LEPR: variants seen among roughly 807,000 people sequenced by gnomAD.
The protein encoded by LEPR is OB receptor.
In LEPR, 56 loss-of-function variants were observed where a neutral mutation model predicts 114.7. The ratio of observed to expected loss-of-function variants is 0.49; its 90% confidence interval spans 0.39 to 0.61. The LOEUF is 0.61. Among genes scored for constraint, LEPR ranks in the 20% least tolerant of loss-of-function variants. The probability of loss-of-function intolerance (pLI) is 0.00; values close to 1 mark genes in which losing one functional copy is unlikely to be tolerated. For missense variants in LEPR, 1,202 were observed against 1,352.9 expected, an observed-to-expected ratio of 0.89 and a Z score of 1.75; for synonymous variants, 443 against 461.4, an observed-to-expected ratio of 0.96 and a Z score of 0.51.
At chr1:65,572,300 T>TTG (rs1557670727) in intron 4 of LEPR, 26 bp from the exon 5 acceptor site, 65 of 1,381,004 alleles carry the variant, frequency 4.7e-5, no homozygotes, top group Admixed American at 1.4e-4. Context: ...GTTTTTTTTT[T>TTG]TTTTTTTTTT....
chr1:65,420,879 C>G (rs1646232768), intron 1 of LEPR, 139 bp downstream of exon 1: 1 of 1,096,344 alleles, frequency 9.1e-7, no homozygotes, highest in South Asian at 1.5e-5. Context: ...GGGAGGCGAT[C>G]GACCGCTCCC....
At chr1:65,476,342 A>C (rs1647159584) in intron 2 of LEPR, among the ~76,000 whole-genome samples, 3 of 152,014 alleles carry the variant, frequency 2.0e-5, no homozygotes, top group South Asian at 4.2e-4. Context: ...AATACTTTGA[A>C]CAGTCAACAA....
intron 12 of LEPR, 34 bp downstream of exon 12, chr1:65,608,935 T>G: frequency 6.2e-7 from 1 of 1,612,122 alleles, no homozygotes; most frequent in East Asian, 2.2e-5. Flanking sequence ...CTTTCCTCAT[T>G]AAATGCTATT....
In LEPR at chr1:65,610,084, C is replaced by T; in HGVS notation, c.1890C>T (p.Tyr630=). ...GYWSNWSNPA[Y]TVVMDIKVPM... ...GGAGTAATTGGAGCAATCCAGCCTA[C>T]ACAGTTGTCATGGATATAAAAGGTC... The change falls in exon 13 of 20, where the codon TAC becomes TAT. Residue 630 remains tyrosine (Y), a synonymous_variant. Coordinates refer to ENST00000349533, the MANE Select transcript of LEPR (RefSeq NM_002303.6). The T allele has an allele frequency of 6.2e-7, 1 of 1,614,184 alleles. No individual in the cohort carries two copies. Among genetic ancestry groups the T allele is most frequent in the Non-Finnish European group, 8.5e-7 (1 of 1,180,018 alleles).
intron 5 of LEPR, among the ~76,000 whole-genome samples, chr1:65,588,124 C>G (rs865801560): frequency 6.6e-6 from 1 of 151,940 alleles, no homozygotes; most frequent in African/African-American, 2.4e-5. Context: ...TTACTCCACA[C>G]TCTTCTCCCC....
intron 2 of LEPR, among the ~76,000 whole-genome samples, chr1:65,476,315 C>A (rs1647159229): frequency 6.6e-6 from 1 of 151,800 alleles, no homozygotes; most frequent in Non-Finnish European, 1.5e-5. Context: ...AATGAACATG[C>A]TTTTAGTGGT....
At chr1:65,487,895 TTTTC>T (rs750182880) in intron 2 of LEPR, among the ~76,000 whole-genome samples, 33 of 151,036 alleles carry the variant, frequency 2.2e-4, no homozygotes, top group Non-Finnish European at 3.1e-4. Context: ...CTTTCTTTCC[TTTTC>T]TTTCTTTCTT....
At chr1:65,634,352 G>C in intron 19 of LEPR, 9 of 977,870 alleles carry the variant, frequency 9.2e-6, no homozygotes, top group Non-Finnish European at 1.1e-5. Flanking sequence ...TCATTGAAAT[G>C]TAAAATCTAA....
At chr1:65,553,708 C>G (rs1029509702) in intron 2 of LEPR, among the ~76,000 whole-genome samples, 1 of 152,066 alleles carries the variant, frequency 6.6e-6, no homozygotes, top group African/African-American at 2.4e-5. Context: ...CTTCTGAAGC[C>G]TACTTCTGTC....
chr1:65,529,453 G>A (rs1426191799), intron 2 of LEPR, among the ~76,000 whole-genome samples: 4 of 150,716 alleles, frequency 2.7e-5, no homozygotes, highest in African/African-American at 2.4e-5. Flanking sequence ...CCTGGGAGAC[G>A]GAGGTTGCAG....
intron 10 of LEPR, 107 bp downstream of exon 10, chr1:65,602,067 A>G (rs1416514245): frequency 9.9e-7 from 1 of 1,007,568 alleles, no homozygotes; most frequent in Non-Finnish European, 1.6e-6. Flanking sequence ...TTCCTGAAAG[A>G]GGAAAGTATA....
rs138922570 is a variant in LEPR at position 65,601,930 on chromosome 1, C to T, written c.1373C>T (p.Ala458Val). The change falls in exon 10 of 20, where the codon GCG (alanine) becomes GTG (valine). Residue 458 changes from alanine to valine, a missense_variant. Coordinates refer to ENST00000349533, the MANE Select transcript of LEPR (RefSeq NM_002303.6). ...RWSTSTIQSL[A>V]ESTLQLRYHR... is the part of the protein sequence containing the mutation. ...TCAACCAGTACAATCCAGTCACTTGCGGAAAGCACTTTGCAATTGAGGTAT... is the reference window on the plus strand; with the variant it reads ...TCAACCAGTACAATCCAGTCACTTGTGGAAAGCACTTTGCAATTGAGGTAT... 2.4e-5 allele frequency: 39 copies of T among 1,613,410 alleles called. No individual in the cohort carries two copies. In the African/African-American group the frequency reaches 4.0e-4, roughly 17 times the overall value.
Position 65,490,035 on chromosome 1 carries a change from GT to G in LEPR, c.-21+64658del, listed in dbSNP as rs376898124. On this transcript the variant is annotated intron_variant, in intron 2 of 19. Coordinates refer to ENST00000349533, the MANE Select transcript of LEPR (RefSeq NM_002303.6). ...GAACCCTGGCTCTGCTACCTTTCAG[GT>G]ATGCAATCTTTCGGAAATTCTCTTA... Among the ~76,000 whole-genome samples the G allele has an allele frequency of 1.0e-3, 153 of 152,178 alleles. 1 individual carries two copies. The highest frequency in any genetic ancestry group is 5.0e-3 in the Admixed American group (76 of 15,264).
At chr1:65,598,480 A>G (rs1656228840) in intron 7 of LEPR, among the ~76,000 whole-genome samples, 180 bp from the exon 8 acceptor site, 1 of 152,110 alleles carries the variant, frequency 6.6e-6, no homozygotes, top group South Asian at 2.1e-4. Flanking sequence ...TTAAAATTTT[A>G]TTGACTAATG....
At chr1:65,623,840 A>G (rs1321806541) in intron 19 of LEPR, among the ~76,000 whole-genome samples, 1 of 152,176 alleles carries the variant, frequency 6.6e-6, no homozygotes, top group African/African-American at 2.4e-5. Flanking sequence ...CAACCTACCT[A>G]TACGACTTTT....
chr1:65,535,975 A>G (rs985580894), intron 2 of LEPR, among the ~76,000 whole-genome samples: 2 of 152,098 alleles, frequency 1.3e-5, no homozygotes, highest in African/African-American at 2.4e-5. Flanking sequence ...GATTTCTCCT[A>G]ATTACCCTTT....
At chr1:65,529,570 AGGG>A (rs1442263401) in intron 2 of LEPR, among the ~76,000 whole-genome samples, 3 of 129,396 alleles carry the variant, frequency 2.3e-5, no homozygotes, top group African/African-American at 8.5e-5. Flanking sequence ...GGAGGGAGGG[AGGG>A]AGGATTGTCT....
At position 65,637,007 on chromosome 1, in the gene LEPR, A is replaced by T; in HGVS notation, c.3490A>T (p.Thr1164Ser). ...CATGGAAAACAAGATGTGTGACCTAACTGTGTAATTTCACTGAAGAAACCT... is the reference window on the plus strand; with the variant it reads ...CATGGAAAACAAGATGTGTGACCTATCTGTGTAATTTCACTGAAGAAACCT... ...KIMENKMCDL[T>S]V The change falls in exon 20 of 20, where the codon ACT becomes TCT. Residue 1164 changes from threonine (T) to serine (S), a missense_variant. Coordinates refer to ENST00000349533, the MANE Select transcript of LEPR (RefSeq NM_002303.6). 6.2e-6 allele frequency: 10 copies of T among 1,613,358 alleles called. No individual in the cohort carries two copies. Among genetic ancestry groups the T allele is most frequent in the Non-Finnish European group, 8.5e-6 (10 of 1,179,882 alleles).
At chr1:65,497,588 C>T (rs1648230892) in intron 2 of LEPR, among the ~76,000 whole-genome samples, 1 of 152,038 alleles carries the variant, frequency 6.6e-6, no homozygotes, top group African/African-American at 2.4e-5. Flanking sequence ...TTGCCCTAAT[C>T]GTAGGTGGAA....
Sources: gnomAD v4.1 joint callset for allele counts (sites outside exome capture counted in the v4.1 genomes callset) on GRCh38, gnomAD v4.1.1 for gene constraint, MANE v1.5 for transcripts, NCBI Gene and HGNC (gene_info 2026-07-23, HGNC 2026-07-21) for gene names.